TMEM132B: variants seen among roughly 807,000 people sequenced by gnomAD.
TMEM132B encodes the protein transmembrane protein 132B.
Under a neutral mutation model 90.8 loss-of-function variants are expected in TMEM132B, and 18 were observed. The ratio of observed to expected loss-of-function variants is 0.20; its 90% confidence interval spans 0.14 to 0.29. TMEM132B has a LOEUF of 0.29. TMEM132B is among the 10% of genes least tolerant of loss of function. The pLI is 1.00. For synonymous variants in TMEM132B, 504 were observed against 523.3 expected (o/e 0.96, Z 0.50); for missense variants, 1,096 against 1,326.8 (o/e 0.83, Z 2.70).
rs201744920 is a variant in TMEM132B, at chr12:125,349,757, T to C, written c.373T>C (p.Leu125=). 132 of 1,614,222 alleles carry C rather than the reference T, an allele frequency of 8.2e-5. No homozygotes were observed. In the Admixed American group the frequency reaches 1.1e-3, roughly 13 times the overall value. The change falls in exon 2 of 9, where the codon TTG becomes CTG. Residue 125 remains leucine, a synonymous_variant. Transcript: ENST00000682704. The surrounding 1 kb of genome is among the most constrained non-coding windows in gnomAD (Gnocchi z 4.1). ...GGACAAATTTCCCTTCAACTGGAAA[T>C]TGAAATCCCACATCCTTGACAGCTC... The part of the protein sequence containing the change: ...NMDKFPFNWK[L]KSHILDSSIY...
intron 3 of TMEM132B, among the ~76,000 whole-genome samples, chr12:125,455,911 C>A (rs1023774346): frequency 1.9e-4 from 29 of 152,150 alleles, no homozygotes; most frequent in Non-Finnish European, 1.5e-5. Context: ...GTGGAGTAGA[C>A]CAGGGACTGG....
intron 3 of TMEM132B, among the ~76,000 whole-genome samples, chr12:125,473,680 G>A (rs375427774): frequency 6.6e-6 from 1 of 152,192 alleles, no homozygotes; most frequent in Non-Finnish European, 1.5e-5. Flanking sequence ...CATTCCACAA[G>A]TAATCTGGGA....
chr12:125,497,857 C>T (rs749673288), intron 3 of TMEM132B, among the ~76,000 whole-genome samples: 5 of 152,276 alleles, frequency 3.3e-5, no homozygotes, highest in East Asian at 1.9e-4. Context: ...GTTGAGCAGC[C>T]GGTGGCTAGC....
chr12:125,549,954 C>G (rs1884180460), intron 4 of TMEM132B, among the ~76,000 whole-genome samples: 1 of 152,214 alleles, frequency 6.6e-6, no homozygotes, highest in African/African-American at 2.4e-5. Context: ...CCTTCTCTCC[C>G]TGCTTTGTGG....
intron 6 of TMEM132B, among the ~76,000 whole-genome samples, chr12:125,646,096 C>G (rs1044053507): frequency 2.0e-5 from 3 of 152,140 alleles, no homozygotes; most frequent in Non-Finnish European, 2.9e-5. Context: ...ATCTGAACTT[C>G]AAAAACGCTG....
At position 125,213,242 on chromosome 12, in the gene TMEM132B, T is replaced by C. The variant is rs1347988779; in HGVS notation, c.67+26376T>C. ...TAAGGTTCATCCACGTTGTAGCCTGTGTCAGTGCTATGCTCCTTTTTATGG... is the reference window on the plus strand; with the variant it reads ...TAAGGTTCATCCACGTTGTAGCCTGCGTCAGTGCTATGCTCCTTTTTATGG... On this transcript the variant is annotated intron_variant, in intron 1 of 8. Transcript: ENST00000682704. The surrounding 1 kb of genome is among the most constrained non-coding windows in gnomAD (Gnocchi z 4.2). Among the ~76,000 whole-genome samples the C allele has an allele frequency of 1.3e-5, 2 of 152,266 alleles. No individual in the cohort carries two copies. The highest frequency in any genetic ancestry group is 2.9e-5 in the Non-Finnish European group (2 of 68,042).
intron 4 of TMEM132B, among the ~76,000 whole-genome samples, chr12:125,525,644 G>A (rs772437271): frequency 6.6e-5 from 10 of 152,198 alleles, no homozygotes; most frequent in Non-Finnish European, 1.2e-4. Flanking sequence ...CAGGTATTTT[G>A]TTGTAGCTGG....
chr12:125,476,119 A>T (rs992164511), intron 3 of TMEM132B, among the ~76,000 whole-genome samples: 6 of 152,228 alleles, frequency 3.9e-5, no homozygotes, highest in African/African-American at 1.4e-4. Context: ...TTGTTCTAAA[A>T]ATGGAAAGAA....
intron 1 of TMEM132B, among the ~76,000 whole-genome samples, chr12:125,261,661 A>C (rs1488318304): frequency 1.3e-5 from 2 of 152,258 alleles, no homozygotes; most frequent in East Asian, 3.8e-4. Context: ...TATTGAAAGA[A>C]TAACATTACA....
Position 125,527,814 on chromosome 12 carries a change from G to A in TMEM132B, c.1293+8189G>A, listed in dbSNP as rs78513536. On this transcript the variant is annotated intron_variant, in intron 4 of 8. Transcript: ENST00000682704. ...ACCCATCCAACCCAGCCACCCAAAC[G>A]GTGAATAGCAAACATTTACTTAGCA... 4.6e-3 allele frequency among the ~76,000 whole-genome samples: 706 copies of A among 152,236 alleles called. 2 individuals carry two copies. The highest frequency in any genetic ancestry group is 9.7e-3 in the South Asian group (47 of 4,828).
intron 1 of TMEM132B, among the ~76,000 whole-genome samples, chr12:125,249,552 G>A (rs181571669): frequency 5.9e-5 from 9 of 152,354 alleles, no homozygotes; most frequent in Middle Eastern, 6.8e-3. Context: ...TTTACTATGA[G>A]ATGGCGATGA....
At chr12:125,292,254 G>A (rs1875561509) in intron 1 of TMEM132B, among the ~76,000 whole-genome samples, 1 of 152,134 alleles carries the variant, frequency 6.6e-6, no homozygotes, top group Admixed American at 6.5e-5. Context: ...TTGTTGCTTA[G>A]AAACACCTTT....
At position 125,654,494 on chromosome 12, in the gene TMEM132B, A is replaced by G; in HGVS notation, c.3036A>G (p.Lys1012=). 1 of 1,614,026 alleles carries G rather than the reference A, an allele frequency of 6.2e-7. No homozygotes were observed. Among genetic ancestry groups the G allele is most frequent in the South Asian group, 1.1e-5 (1 of 91,078 alleles). ...GACCCTCTGACTATGTCTATGAGAAAGAAATTAAAAATGAACCTATGAATT... is the reference window on the plus strand; with the variant it reads ...GACCCTCTGACTATGTCTATGAGAAGGAAATTAAAAATGAACCTATGAATT... ...LLRPSDYVYE[K]EIKNEPMNSS... Residue 1012 remains lysine, a synonymous_variant, in exon 9 of 9, where the codon AAA becomes AAG. Transcript: ENST00000682704. This position sits in a 1 kb window ranked among gnomAD's most constrained non-coding sequence, Gnocchi z 5.8.
At chr12:125,586,994 G>A (rs1243614773) in intron 5 of TMEM132B, 2 of 152,158 alleles carry the variant, frequency 1.3e-5, no homozygotes, top group African/African-American at 2.4e-5. Context: ...TAAGGCCACA[G>A]TGTGTGATAA....
At chr12:125,201,471 A>AACT (rs1259034859) in intron 1 of TMEM132B, among the ~76,000 whole-genome samples, 2 of 152,256 alleles carry the variant, frequency 1.3e-5, no homozygotes, top group African/African-American at 4.8e-5. Flanking sequence ...TGAGGGAATG[A>AACT]ACTACTACAG....
chr12:125,372,989 C>T (rs1224922659), intron 2 of TMEM132B, among the ~76,000 whole-genome samples: 1 of 152,248 alleles, frequency 6.6e-6, no homozygotes, highest in Non-Finnish European at 1.5e-5. Flanking sequence ...TGGATGTCCC[C>T]TTTTCCCCGA....
intron 1 of TMEM132B, among the ~76,000 whole-genome samples, chr12:125,293,415 A>G (rs11058131): frequency 0.21 from 28,857 of 140,292 alleles, 3,832 homozygotes; most frequent in African/African-American, 0.39. Flanking sequence ...TCTAAGCATA[A>G]TACCCAGTAG....
At chr12:125,626,497 G>C (rs902003332) in intron 5 of TMEM132B, among the ~76,000 whole-genome samples, 15 of 152,110 alleles carry the variant, frequency 9.9e-5, no homozygotes, top group Non-Finnish European at 2.1e-4. Context: ...AAGGTAGTTA[G>C]CAATTATCTT....
At chr12:125,513,189 G>A (rs913625834) in intron 3 of TMEM132B, among the ~76,000 whole-genome samples, 4 of 152,012 alleles carry the variant, frequency 2.6e-5, no homozygotes, top group South Asian at 2.1e-4. Flanking sequence ...TCTGAGACCC[G>A]CTCAAACTGT....
Sources: allele counts gnomAD v4.1 joint callset (sites outside exome capture counted in the v4.1 genomes callset), GRCh38; gene constraint gnomAD v4.1.1; non-coding constraint Gnocchi (gnomAD v3.1); transcripts MANE v1.5; gene names NCBI Gene and HGNC (gene_info 2026-07-23, HGNC 2026-07-21).